KCNMA1: variants seen among roughly 807,000 people sequenced by gnomAD.
KCNMA1 encodes the protein Calcium-activated potassium channel subunit alpha-1.
In KCNMA1, 29 loss-of-function variants were observed where a neutral mutation model predicts 140.0. The ratio of observed to expected loss-of-function variants is 0.21; its 90% CI spans 0.15 to 0.28. The LOEUF is 0.28. KCNMA1 is among the 10% of genes least tolerant of loss of function. The probability of loss-of-function intolerance (pLI) is 1.00; values close to 1 mark genes in which losing one functional copy is unlikely to be tolerated. For synonymous variants in KCNMA1, 612 were observed against 611.9 expected, an observed-to-expected ratio of 1.00 and a Z score of 0.00; for missense variants, 880 against 1,602.2, an observed-to-expected ratio of 0.55 and a Z score of 7.70.
chr10:77,081,145 G>T (rs1161746954), intron 12 of KCNMA1, among the ~76,000 whole-genome samples: 3 of 152,156 alleles, frequency 2.0e-5, no homozygotes, highest in Non-Finnish European at 4.4e-5. Context: ...GAGCGCAGAT[G>T]AATGGAAACA....
intron 2 of KCNMA1, among the ~76,000 whole-genome samples, chr10:77,310,446 AG>A (rs2078984050): frequency 6.6e-6 from 1 of 152,234 alleles, no homozygotes; most frequent in Non-Finnish European, 1.5e-5. Flanking sequence ...ATACCATCTT[AG>A]GCACATTAAC....
intron 9 of KCNMA1, among the ~76,000 whole-genome samples, chr10:77,094,170 C>A (rs1006379596): frequency 2.0e-5 from 3 of 152,164 alleles, no homozygotes; most frequent in African/African-American, 7.2e-5. Context: ...GTGGCCTATG[C>A]AATCCCACCT....
intron 2 of KCNMA1, among the ~76,000 whole-genome samples, chr10:77,343,652 A>G (rs1218072149): frequency 6.6e-6 from 1 of 152,260 alleles, no homozygotes; most frequent in Non-Finnish European, 1.5e-5. Flanking sequence ...CACAAATCCC[A>G]TATAAATGTA....
intron 3 of KCNMA1, among the ~76,000 whole-genome samples, chr10:77,212,686 G>C (rs1565248731): frequency 6.6e-6 from 1 of 151,758 alleles, no homozygotes; most frequent in Non-Finnish European, 1.5e-5. Context: ...AGTGTCTCTT[G>C]CTCTTTTCTC....
At chr10:77,428,486 A>C (rs2097076215) in intron 1 of KCNMA1, among the ~76,000 whole-genome samples, 1 of 152,210 alleles carries the variant, frequency 6.6e-6, no homozygotes, top group Non-Finnish European at 1.5e-5. Context: ...CCTTAGGGAA[A>C]GCCTAACTCC....
At chr10:77,008,223 G>A (rs1472584673) in intron 18 of KCNMA1, 2 of 1,529,022 alleles carry the variant, frequency 1.3e-6, no homozygotes, top group Non-Finnish European at 1.7e-6. Context: ...ATAGAGTAGG[G>A]GCCGTATTCC....
At chr10:77,155,927 C>T (rs1433744447) in intron 5 of KCNMA1, among the ~76,000 whole-genome samples, 2 of 151,940 alleles carry the variant, frequency 1.3e-5, no homozygotes, top group African/African-American at 4.8e-5. Context: ...TGTTTTACAC[C>T]AAATTAAAAA....
Position 77,336,410 on chromosome 10 carries a change from G to A in KCNMA1, c.540+67452C>T, listed in dbSNP as rs1017692017. Among the ~76,000 whole-genome samples the A allele has an allele frequency of 2.7e-5, 4 of 149,022 alleles. No individual in the cohort carries two copies. The Admixed American group carries it at 2.7e-4, about 10-fold the overall frequency. On this transcript the variant is annotated intron_variant, in intron 2 of 27. Coordinates refer to ENST00000286628, the MANE Select transcript of KCNMA1 (RefSeq NM_001161352.2). The stretch of plus-strand genomic sequence containing the variant: ...TCATACACTGTGAAATTTCCAAGTA[G>A]TGAAAAATTAACTCAATGCTTAAAA...
rs201201425 is a variant in KCNMA1 at position 76,885,633 on chromosome 10, G to A, written c.*1633C>T. On this transcript the variant is annotated 3_prime_UTR_variant, in exon 28 of 28. Coordinates refer to ENST00000286628, the MANE Select transcript of KCNMA1 (RefSeq NM_001161352.2). ...CCTCCCTTTTACCCCTATTCTATTC[G>A]ATGGAATTCTTTGAAGTAAAACTTT... 24 of 985,024 alleles carry A rather than the reference G, an allele frequency of 2.4e-5. No homozygotes were observed. The East Asian group carries it at 1.2e-3, about 51-fold the overall frequency. The allele number at this position is 985,024 out of a possible 1,614,324, so 61.0% of individuals were successfully genotyped here.
intron 3 of KCNMA1, among the ~76,000 whole-genome samples, chr10:77,194,021 C>G (rs1242473708): frequency 6.6e-6 from 1 of 152,086 alleles, no homozygotes; most frequent in Non-Finnish European, 1.5e-5. Context: ...AAACAATAAT[C>G]TATAACCAGG....
At chr10:77,231,679 C>T (rs2053648238) in intron 3 of KCNMA1, among the ~76,000 whole-genome samples, 1 of 117,280 alleles carries the variant, frequency 8.5e-6, no homozygotes, top group South Asian at 3.2e-4. Context: ...GTGCTCACAC[C>T]CCAATGGCCT....
intron 1 of KCNMA1, among the ~76,000 whole-genome samples, chr10:77,527,665 C>A (rs968173632): frequency 3.3e-5 from 5 of 152,060 alleles, no homozygotes; most frequent in African/African-American, 1.2e-4. Flanking sequence ...CTAGAAGAGC[C>A]CATAAACCAT....
intron 5 of KCNMA1, among the ~76,000 whole-genome samples, chr10:77,166,331 TTTTG>T (rs2098641891): frequency 6.6e-6 from 1 of 152,116 alleles, no homozygotes; most frequent in South Asian, 2.1e-4. Flanking sequence ...CAGTAAGAAT[TTTTG>T]TTTATCTGAT....
intron 2 of KCNMA1, among the ~76,000 whole-genome samples, chr10:77,259,401 G>C (rs149080991): frequency 6.6e-6 from 1 of 151,946 alleles, no homozygotes; most frequent in Non-Finnish European, 1.5e-5. Flanking sequence ...GCCATACTCT[G>C]TGTGCAATGG....
intron 3 of KCNMA1, among the ~76,000 whole-genome samples, chr10:77,205,752 G>A (rs886186940): frequency 3.9e-5 from 6 of 152,072 alleles, no homozygotes; most frequent in Admixed American, 3.3e-4. Flanking sequence ...CCTAGATTTT[G>A]ATAACCTGCT....
At chr10:77,289,469 A>T (rs1184408391) in intron 2 of KCNMA1, among the ~76,000 whole-genome samples, 1 of 152,220 alleles carries the variant, frequency 6.6e-6, no homozygotes, top group Non-Finnish European at 1.5e-5. Context: ...AGGGCCCACA[A>T]GGTGTCAGCA....
intron 1 of KCNMA1, among the ~76,000 whole-genome samples, chr10:77,483,033 CA>C (rs1207548588): frequency 1.2e-4 from 15 of 122,118 alleles, no homozygotes; most frequent in Non-Finnish European, 1.9e-4. Flanking sequence ...CACACACACA[CA>C]CACACACCCC....
intron 23 of KCNMA1, among the ~76,000 whole-genome samples, chr10:76,935,016 A>G (rs141828199): frequency 1.3e-3 from 201 of 152,372 alleles, no homozygotes; most frequent in Non-Finnish European, 2.2e-3. Flanking sequence ...TATTCACAAG[A>G]AAAACAGAAA....
At chr10:77,102,829 A>T (rs1195761811) in intron 9 of KCNMA1, among the ~76,000 whole-genome samples, 1 of 152,170 alleles carries the variant, frequency 6.6e-6, no homozygotes, top group Non-Finnish European at 1.5e-5. Flanking sequence ...ACACATTAAA[A>T]ATGTGTAATT....
Sources: allele counts gnomAD v4.1 joint callset (sites outside exome capture counted in the v4.1 genomes callset), GRCh38; gene constraint gnomAD v4.1.1; transcripts MANE v1.5; gene names NCBI Gene and HGNC (gene_info 2026-07-23, HGNC 2026-07-21).